TP63: variants seen among roughly 807,000 people sequenced by gnomAD.
The protein encoded by TP63 is tumor protein p63.
In TP63, 17 loss-of-function variants were observed where a neutral mutation model predicts 82.8. The ratio of observed to expected loss-of-function variants is 0.21; its 90% CI spans 0.14 to 0.31. TP63 has a LOEUF of 0.31. Among genes scored for constraint, TP63 ranks in the 10% least tolerant of loss-of-function variants. TP63 has a pLI of 1.00. For synonymous variants in TP63, 330 were observed against 321.7 expected, an observed-to-expected ratio of 1.03 and a Z score of -0.28; for missense variants, 648 against 895.3, an observed-to-expected ratio of 0.72 and a Z score of 3.52.
intron 3 of TP63, among the ~76,000 whole-genome samples, chr3:189,784,987 G>C (rs1724488632): frequency 6.6e-6 from 1 of 152,000 alleles, no homozygotes; most frequent in Admixed American, 6.6e-5. Context: ...CATTGGTTTT[G>C]TTCTGCAGCA....
chr3:189,727,951 G>T (rs1200879545), intron 1 of TP63, among the ~76,000 whole-genome samples: 1 of 152,170 alleles, frequency 6.6e-6, no homozygotes. Flanking sequence ...CCAGATTCTA[G>T]ACTGAAATGG....
chr3:189,605,573 G>A, the TP63 span, among the ~76,000 whole-genome samples: 2 of 152,090 alleles, frequency 1.3e-5, no homozygotes, highest in Non-Finnish European at 2.9e-5. Context: ...GATTTTCTAA[G>A]CCGCAATATA....
intron 1 of TP63, among the ~76,000 whole-genome samples, chr3:189,702,675 C>G (rs184250751): frequency 2.0e-5 from 3 of 152,312 alleles, no homozygotes; most frequent in Admixed American, 2.0e-4. Context: ...GGATGCTACA[C>G]TGTTTTTAAA....
chr3:189,658,664 AGT>A (rs1406205450), intron 1 of TP63, among the ~76,000 whole-genome samples: 2 of 152,120 alleles, frequency 1.3e-5, no homozygotes, highest in Non-Finnish European at 2.9e-5. Flanking sequence ...ATGTGTGACT[AGT>A]GCTCCTCAAA....
intron 3 of TP63, chr3:189,789,553 A>C (rs1724911404): frequency 1.5e-6 from 1 of 674,076 alleles, no homozygotes. Context: ...ACTCCATTGG[A>C]GTGGAGGAGT....
At chr3:189,800,781 T>A (rs1013608480) in intron 3 of TP63, among the ~76,000 whole-genome samples, 1 of 152,158 alleles carries the variant, frequency 6.6e-6, no homozygotes, top group Admixed American at 6.5e-5. Flanking sequence ...GCAAAGCACT[T>A]GAACACTCTA....
At chr3:189,808,227 C>T (rs2108636841) in intron 3 of TP63, 45 bp from the exon 4 acceptor site, 1 of 1,614,158 alleles carries the variant, frequency 6.2e-7, no homozygotes, top group Non-Finnish European at 8.5e-7. Flanking sequence ...AGCAATGATC[C>T]GTGGCTTCAG....
chr3:189,652,076 G>C (rs1292503008), intron 1 of TP63, among the ~76,000 whole-genome samples: 1 of 146,508 alleles, frequency 6.8e-6, no homozygotes, highest in South Asian at 2.3e-4. Flanking sequence ...ATGTGGGGTT[G>C]GAGCTCCCAC....
intron 1 of TP63, among the ~76,000 whole-genome samples, chr3:189,657,915 G>T (rs1349970131): frequency 6.6e-6 from 1 of 152,046 alleles, no homozygotes; most frequent in Non-Finnish European, 1.5e-5. Flanking sequence ...CAGAAGCAAG[G>T]ACACCTAAGT....
intron 3 of TP63, among the ~76,000 whole-genome samples, chr3:189,763,090 G>A (rs1006199527): frequency 6.6e-6 from 1 of 152,078 alleles, no homozygotes; most frequent in African/African-American, 2.4e-5. Flanking sequence ...GGGTAACCTA[G>A]TGAGACCCCT....
At chr3:189,617,742 A>T in the TP63 span, among the ~76,000 whole-genome samples, 3 of 152,100 alleles carry the variant, frequency 2.0e-5, no homozygotes, top group Non-Finnish European at 2.9e-5. Context: ...TTTCCACTTG[A>T]CCTTTCTGAC....
At chr3:189,806,048 T>TA (rs925053973) in intron 3 of TP63, among the ~76,000 whole-genome samples, 9 of 145,842 alleles carry the variant, frequency 6.2e-5, no homozygotes, top group Non-Finnish European at 9.0e-5. Context: ...CACTTTTTTT[T>TA]TTTTTTTTTT....
chr3:189,872,050 G>C (rs143608239), intron 9 of TP63, among the ~76,000 whole-genome samples: 1 of 152,228 alleles, frequency 6.6e-6, no homozygotes, highest in East Asian at 1.9e-4. Context: ...TTTATTTAAA[G>C]ATTTTAAGGG....
intron 1 of TP63, among the ~76,000 whole-genome samples, chr3:189,708,710 A>G (rs1289291203): frequency 2.6e-5 from 4 of 152,206 alleles, no homozygotes; most frequent in Non-Finnish European, 5.9e-5. Flanking sequence ...CACAGATTTC[A>G]TTCATTAATT....
chr3:189,782,085 A>G (rs2108577647), intron 3 of TP63, among the ~76,000 whole-genome samples: 1 of 152,308 alleles, frequency 6.6e-6, no homozygotes, highest in South Asian at 2.1e-4. Flanking sequence ...CCCAAAATTC[A>G]TGACTCTTAG....
chr3:189,670,360 G>A (rs1464184329), intron 1 of TP63, among the ~76,000 whole-genome samples: 1 of 152,010 alleles, frequency 6.6e-6, no homozygotes, highest in Non-Finnish European at 1.5e-5. Context: ...GACAACTGCA[G>A]AATGTACATT....
chr3:189,837,430 C>G (rs1713316336), intron 4 of TP63, among the ~76,000 whole-genome samples: 1 of 78,922 alleles, frequency 1.3e-5, no homozygotes, highest in African/African-American at 4.3e-5. Context: ...TTTCCAATTT[C>G]AGGTTCCAAA....
rs9846059 is a variant in TP63, at chr3:189,681,452, T to C, written c.62+49875T>C. ...ATCCTAAATTACAAGACGTATTTCC[T>C]ATTTACTTTACCTCCTTTGCTACCA... On this transcript the variant is annotated intron_variant, in intron 1 of 13. Transcript: ENST00000264731. Among the ~76,000 whole-genome samples the C allele has an allele frequency of 0.33, 50,910 of 152,036 alleles. 9,113 individuals carry two copies. Among genetic ancestry groups the C allele is most frequent in the African/African-American group, 0.47 (19,435 of 41,468 alleles).
At chr3:189,720,753 A>G (rs1365681416) in intron 1 of TP63, among the ~76,000 whole-genome samples, 1 of 122,132 alleles carries the variant, frequency 8.2e-6, no homozygotes, top group Non-Finnish European at 1.8e-5. Context: ...AAAAAAAAAA[A>G]AAAAGAAGAA....
Sources: gnomAD v4.1 joint callset for allele counts (sites outside exome capture counted in the v4.1 genomes callset) on GRCh38, gnomAD v4.1.1 for gene constraint, MANE v1.5 for transcripts, NCBI Gene and HGNC (gene_info 2026-07-23, HGNC 2026-07-21) for gene names.